The following HDHD2 variants were observed in gnomAD, a reference collection of about 807,000 sequenced individuals.
HDHD2 encodes the protein haloacid dehalogenase-like hydrolase domain-containing protein 2.
In HDHD2, 26 loss-of-function variants were observed where a neutral mutation model predicts 24.8. The ratio of observed to expected loss-of-function variants is 1.05; its 90% CI spans 0.77 to 1.45. HDHD2 has a LOEUF of 1.45. Ranked by LOEUF, HDHD2 falls within the 40% of genes most tolerant of loss-of-function variation. The probability of loss-of-function intolerance (pLI) is 0.00; values close to 1 mark genes in which losing one functional copy is unlikely to be tolerated. For missense variants in HDHD2, 299 were observed against 313.4 expected (o/e 0.95, Z 0.35); for synonymous variants, 128 against 114.9 (o/e 1.11, Z -0.73).
At chr18:47,110,270 T>C in intron 6 of HDHD2, 1 of 985,396 alleles carries the variant, frequency 1.0e-6, no homozygotes, top group Non-Finnish European at 1.2e-6. Context: ...TATAACTTCT[T>C]ACAGGAAGGG....
chr18:47,131,268 C>A (rs934546799), intron 3 of HDHD2, among the ~76,000 whole-genome samples: 2 of 152,172 alleles, frequency 1.3e-5, no homozygotes, highest in Non-Finnish European at 2.9e-5. Flanking sequence ...TGAGCCACCA[C>A]ACCCAGCCTC....
At chr18:47,146,222 T>C (rs1462709425) in intron 1 of HDHD2, among the ~76,000 whole-genome samples, 1 of 137,830 alleles carries the variant, frequency 7.3e-6, no homozygotes, top group Non-Finnish European at 1.5e-5. Flanking sequence ...AGAGCAAGAA[T>C]GTGTCTCAAA....
intron 4 of HDHD2, among the ~76,000 whole-genome samples, chr18:47,117,381 G>A (rs1464500926): frequency 6.6e-6 from 1 of 152,086 alleles, no homozygotes; most frequent in African/African-American, 2.4e-5. Context: ...TGAAGAAATA[G>A]GTTAGTTATT....
intron 6 of HDHD2, chr18:47,110,594 T>C (rs1202503536): frequency 1.0e-5 from 10 of 985,278 alleles, no homozygotes; most frequent in Non-Finnish European, 1.1e-5. Flanking sequence ...AAAATAGAAA[T>C]TGACAAAAGT....
intron 1 of HDHD2, among the ~76,000 whole-genome samples, chr18:47,148,688 T>C (rs992017534): frequency 4.6e-5 from 7 of 152,212 alleles, no homozygotes; most frequent in African/African-American, 1.7e-4. Context: ...CACCAAATTA[T>C]GTCAGTTCTA....
In HDHD2 at chr18:47,115,148, G is replaced by A. The variant is rs2063547507; in HGVS notation, c.596C>T (p.Ala199Val). 1 of 1,613,022 alleles carries A rather than the reference G, an allele frequency of 6.2e-7. No homozygotes were observed. The highest frequency in any genetic ancestry group is 8.5e-7 in the Non-Finnish European group (1 of 1,179,374). ...LRGTGCEPEE[A>V]VMIGDDCRDD... ...TCTACTTACATCTCCTATCATGACAGCCTCCTCAGGTTCACAGCCAGTGCC... is the reference window on the plus strand; with the variant it reads ...TCTACTTACATCTCCTATCATGACAACCTCCTCAGGTTCACAGCCAGTGCC... The change falls in exon 5 of 7, where the codon GCT becomes GTT. Residue 199 changes from alanine (A) to valine (V), a missense_variant. Transcript: ENST00000300605.
rs907223052 is a variant in HDHD2 at position 47,133,503 on chromosome 18, G to T, written c.310+993C>A. Among the ~76,000 whole-genome samples, 6 of 55,062 alleles carry T rather than the reference G, an allele frequency of 1.1e-4. 1 individual carries two copies. Among genetic ancestry groups the T allele is most frequent in the Admixed American group, 1.0e-3 (6 of 5,806 alleles). The allele number at this position is 55,062 out of a possible 152,430, so 36.1% of individuals were successfully genotyped here. A position where few individuals can be genotyped will look rare whatever the true frequency, so the allele number is the denominator to read the frequency against. ...CAGCATGATTTATAGTCCTTTAATG[G>T]GATGGCTGGGTCAAATGGTATTTCT... is the stretch of plus-strand genomic sequence containing the variant. On this transcript the variant is annotated intron_variant, in intron 3 of 6. Coordinates refer to ENST00000300605, the MANE Select transcript of HDHD2 (RefSeq NM_032124.5).
chr18:47,123,716 A>T (rs541207580), intron 4 of HDHD2, among the ~76,000 whole-genome samples: 108 of 152,362 alleles, frequency 7.1e-4, no homozygotes, highest in African/African-American at 2.5e-3. Context: ...GTAAAAAAAC[A>T]AAAACGAAAC....
intron 3 of HDHD2, among the ~76,000 whole-genome samples, chr18:47,132,666 G>T (rs368349669): frequency 2.0e-5 from 3 of 152,302 alleles, no homozygotes; most frequent in African/African-American, 7.2e-5. Flanking sequence ...TTTGAGGTCT[G>T]CCCAACTCTA....
chr18:47,135,589 C>T lies in HDHD2; in HGVS notation c.101+750G>A, dbSNP rs189434920. Among the ~76,000 whole-genome samples the T allele has an allele frequency of 3.5e-3, 538 of 152,218 alleles. 1 individual carries two copies. Among genetic ancestry groups the T allele is most frequent in the African/African-American group, 0.013 (521 of 41,558 alleles). ...GAGTCACTAGATTTTCTGATTAACA[C>T]CATACTATGAACATTTTAAGGTTGG... On this transcript the variant is annotated intron_variant, in intron 2 of 6. Coordinates refer to ENST00000300605, the MANE Select transcript of HDHD2 (RefSeq NM_032124.5).
chr18:47,127,650 G>A (rs1175896535), intron 4 of HDHD2, among the ~76,000 whole-genome samples: 2 of 145,716 alleles, frequency 1.4e-5, no homozygotes, highest in African/African-American at 2.6e-5. Flanking sequence ...TTTGTTTTTC[G>A]AGATGAGCCG....
rs543418609 is a variant in HDHD2 at position 47,126,922 on chromosome 18, T to C, written c.395+3322A>G. Among the ~76,000 whole-genome samples the C allele has an allele frequency of 4.6e-5, 7 of 152,312 alleles. No homozygotes were observed. In the East Asian group the frequency reaches 1.3e-3, roughly 29 times the overall value. ...GCTCACGCCTGTAATCCCAGCACTT[T>C]GGGAGGCTGAGGCGGGTGGATCACG... On this transcript the variant is annotated intron_variant, in intron 4 of 6. Transcript: ENST00000300605.
At chr18:47,133,936 C>T (rs1056246730) in intron 3 of HDHD2, among the ~76,000 whole-genome samples, 4 of 152,172 alleles carry the variant, frequency 2.6e-5, no homozygotes, top group Admixed American at 6.5e-5. Context: ...TGCCTGTTCA[C>T]TCTGATGGTA....
intron 5 of HDHD2, 103 bp downstream of exon 5, chr18:47,115,029 A>G: frequency 1.3e-6 from 1 of 784,338 alleles, no homozygotes; most frequent in Non-Finnish European, 2.2e-6. Context: ...TACTGTCCAC[A>G]TTGTCAGTAA....
intron 4 of HDHD2, among the ~76,000 whole-genome samples, chr18:47,117,001 G>A (rs972237951): frequency 1.3e-5 from 2 of 152,136 alleles, no homozygotes; most frequent in Admixed American, 6.6e-5. Context: ...ATGGGAACTG[G>A]TTCTACACTA....
intron 5 of HDHD2, among the ~76,000 whole-genome samples, chr18:47,113,980 C>G (rs2063536840): frequency 6.6e-6 from 1 of 152,164 alleles, no homozygotes; most frequent in Non-Finnish European, 1.5e-5. Flanking sequence ...GGGTAACCAA[C>G]AGCCCCCCAT....
At chr18:47,110,859 G>A (rs142156237) in intron 6 of HDHD2, 3 of 985,028 alleles carry the variant, frequency 3.0e-6, no homozygotes, top group Non-Finnish European at 3.6e-6. Context: ...GTTAGGACTA[G>A]TCAAAAATCT....
At chr18:47,137,642 T>TAAC (rs966763816) in intron 1 of HDHD2, among the ~76,000 whole-genome samples, 8 of 152,288 alleles carry the variant, frequency 5.3e-5, no homozygotes, top group Non-Finnish European at 7.4e-5. Flanking sequence ...TGCTCTGTTT[T>TAAC]AACAACAACA....
chr18:47,108,878 C>T, intron 6 of HDHD2, 93 bp from the exon 7 acceptor site: 1 of 718,492 alleles, frequency 1.4e-6, no homozygotes, highest in South Asian at 1.6e-5. Context: ...CAGCACCACC[C>T]TTACAGTTAA....
Sources: allele counts gnomAD v4.1 joint callset (sites outside exome capture counted in the v4.1 genomes callset), GRCh38; gene constraint gnomAD v4.1.1; transcripts MANE v1.5; gene names NCBI Gene and HGNC (gene_info 2026-07-23, HGNC 2026-07-21).